The following SEMA5A variants were observed in gnomAD, a reference collection of about 807,000 sequenced individuals.
The protein encoded by SEMA5A is semaphorin 5A.
SEMA5A carries 55 observed loss-of-function variants against 135.5 expected under a neutral mutation model. The ratio of observed to expected loss-of-function variants is 0.41; its 90% CI spans 0.33 to 0.51. The LOEUF is 0.51. Among genes scored for constraint, SEMA5A ranks in the 20% least tolerant of loss-of-function variants. SEMA5A has a pLI of 0.37. For synonymous variants in SEMA5A, 580 were observed against 546.5 expected (o/e 1.06, Z -0.85); for missense variants, 1,290 against 1,419.9 (o/e 0.91, Z 1.47).
At chr5:9,198,951 C>T (rs1023241491) in intron 9 of SEMA5A, among the ~76,000 whole-genome samples, 7 of 152,140 alleles carry the variant, frequency 4.6e-5, no homozygotes, top group Non-Finnish European at 7.3e-5. Context: ...TACAGATCAT[C>T]TAATTTCTCA....
In SEMA5A at chr5:9,397,794, C is replaced by T. The variant is rs73740537; in HGVS notation, c.-77-17771G>A. Among the ~76,000 whole-genome samples the T allele has an allele frequency of 2.4e-3, 365 of 152,322 alleles. 5 individuals carry two copies. Among genetic ancestry groups the T allele is most frequent in the African/African-American group, 8.0e-3 (331 of 41,564 alleles). On this transcript the variant is annotated intron_variant, in intron 2 of 22. Transcript: ENST00000382496. ...CAGTAGCTTTACTAATAAGTCCAGT[C>T]CCCATAAATTTGTTATACATGGTCA...
chr5:9,118,118 T>A (rs1444317733), intron 15 of SEMA5A, among the ~76,000 whole-genome samples: 1 of 152,198 alleles, frequency 6.6e-6, no homozygotes, highest in African/African-American at 2.4e-5. Context: ...TATACAGTAT[T>A]TTTATTCGAG....
intron 8 of SEMA5A, among the ~76,000 whole-genome samples, chr5:9,207,892 G>T (rs765924724): frequency 1.1e-4 from 4 of 35,326 alleles, no homozygotes; most frequent in Admixed American, 2.5e-4. Context: ...TAGATAGATA[G>T]ATAGATACAT....
intron 2 of SEMA5A, among the ~76,000 whole-genome samples, chr5:9,425,471 G>GT (rs1200012976): frequency 2.6e-5 from 4 of 152,236 alleles, no homozygotes; most frequent in African/African-American, 9.6e-5. Context: ...CAGTCAGTGT[G>GT]TGACAGCAAC....
chr5:9,173,114 G>A (rs912771693), intron 11 of SEMA5A, among the ~76,000 whole-genome samples: 2 of 152,016 alleles, frequency 1.3e-5, no homozygotes, highest in Non-Finnish European at 2.9e-5. Flanking sequence ...TCTGTTTTGG[G>A]ATTAGTCAAA....
chr5:9,495,197 T>C (rs1018136820), intron 1 of SEMA5A, among the ~76,000 whole-genome samples: 7 of 152,220 alleles, frequency 4.6e-5, no homozygotes, highest in African/African-American at 1.7e-4. Context: ...CAGGGATACC[T>C]GGCGTCCCTG....
intron 5 of SEMA5A, among the ~76,000 whole-genome samples, chr5:9,267,665 C>T (rs981257554): frequency 6.6e-6 from 1 of 152,096 alleles, no homozygotes; most frequent in South Asian, 2.1e-4. Context: ...TTTCTTCACT[C>T]TTCTTTCTGA....
At chr5:9,309,271 A>G (rs758831566) in intron 5 of SEMA5A, among the ~76,000 whole-genome samples, 24 of 152,144 alleles carry the variant, frequency 1.6e-4, no homozygotes, top group Non-Finnish European at 3.2e-4. Context: ...GTACGTAGCA[A>G]AAAAATTAGA....
At chr5:9,300,342 C>G (rs886635300) in intron 5 of SEMA5A, among the ~76,000 whole-genome samples, 2 of 151,294 alleles carry the variant, frequency 1.3e-5, no homozygotes, top group East Asian at 3.9e-4. Flanking sequence ...CTCCTCATTT[C>G]TAATGCCATG....
At chr5:9,107,533 C>T (rs955867135) in intron 16 of SEMA5A, among the ~76,000 whole-genome samples, 2 of 152,050 alleles carry the variant, frequency 1.3e-5, no homozygotes, top group African/African-American at 2.4e-5. Flanking sequence ...TGTCCCAAAC[C>T]GAATAGAGTA....
At chr5:9,290,771 A>G (rs1751038762) in intron 5 of SEMA5A, among the ~76,000 whole-genome samples, 1 of 152,208 alleles carries the variant, frequency 6.6e-6, no homozygotes, top group South Asian at 2.1e-4. Flanking sequence ...AGCTCTTTAA[A>G]TATGTTGCCA....
At chr5:9,412,472 T>C (rs1202600419) in intron 2 of SEMA5A, among the ~76,000 whole-genome samples, 1 of 145,902 alleles carries the variant, frequency 6.9e-6, no homozygotes, top group Non-Finnish European at 1.5e-5. Context: ...TTATTGTTAT[T>C]CCTCTACTAC....
chr5:9,371,593 G>T (rs1236769750), intron 3 of SEMA5A, among the ~76,000 whole-genome samples: 3 of 152,148 alleles, frequency 2.0e-5, no homozygotes, highest in Non-Finnish European at 4.4e-5. Flanking sequence ...AATGCATTTT[G>T]TAATGTAAAA....
At chr5:9,504,189 T>C (rs1447490896) in intron 1 of SEMA5A, among the ~76,000 whole-genome samples, 1 of 126,746 alleles carries the variant, frequency 7.9e-6, no homozygotes, top group Non-Finnish European at 1.5e-5. Flanking sequence ...CACTCCAGCC[T>C]GGGACAGAGC....
chr5:9,409,788 G>A (rs1757035321), intron 2 of SEMA5A, among the ~76,000 whole-genome samples: 1 of 149,794 alleles, frequency 6.7e-6, no homozygotes. Flanking sequence ...GTTGTCCGCG[G>A]GGTGCTTTCT....
intron 2 of SEMA5A, among the ~76,000 whole-genome samples, chr5:9,433,838 A>G (rs773979518): frequency 1.2e-4 from 18 of 152,226 alleles, no homozygotes; most frequent in Non-Finnish European, 2.5e-4. Flanking sequence ...ATAAATATCT[A>G]CAATACTTTT....
rs372581452 is a variant in SEMA5A at position 9,331,907 on chromosome 5, G to A, written c.224+5806C>T. ...AAACAAATGGTTCAAAATAATAAAC[G>A]AAAAGGATCAGAAATCCATACTATT... is the stretch of plus-strand genomic sequence containing the variant. On this transcript the variant is annotated intron_variant, in intron 4 of 22. Transcript: ENST00000382496. Among the ~76,000 whole-genome samples, 20 of 152,272 alleles carry A rather than the reference G, an allele frequency of 1.3e-4. No homozygotes were observed. The East Asian group carries it at 2.7e-3, about 21-fold the overall frequency.
intron 3 of SEMA5A, among the ~76,000 whole-genome samples, chr5:9,376,732 C>T (rs1755377135): frequency 6.6e-6 from 1 of 152,100 alleles, no homozygotes; most frequent in Non-Finnish European, 1.5e-5. Flanking sequence ...AATAAAAATA[C>T]ACTGAGATGC....
At position 9,116,961 on chromosome 5, in the gene SEMA5A, C is replaced by T. The variant is rs147754297; in HGVS notation, c.1925+2037G>A. ...GGTTTTCATTAATCTCCCAGTAGCC[C>T]CCTAGAAAGACTATTCAATAGAAAA... is the stretch of plus-strand genomic sequence containing the variant. On this transcript the variant is annotated intron_variant, in intron 15 of 22. Transcript: ENST00000382496. Among the ~76,000 whole-genome samples the T allele has an allele frequency of 1.4e-3, 208 of 152,190 alleles. 3 individuals are homozygous for T. In the East Asian group the frequency reaches 0.024, roughly 17 times the overall value.
Sources: allele counts gnomAD v4.1 joint callset (sites outside exome capture counted in the v4.1 genomes callset), GRCh38; gene constraint gnomAD v4.1.1; transcripts MANE v1.5; gene names NCBI Gene and HGNC (gene_info 2026-07-23, HGNC 2026-07-21).